NPHP4: variants seen among roughly 807,000 people sequenced by gnomAD.
NPHP4 encodes the protein nephrocystin-4.
In NPHP4, 151 loss-of-function variants were observed where a neutral mutation model predicts 155.8. The observed-to-expected ratio is 0.97, with a 90% CI of 0.85 to 1.11. NPHP4 has a LOEUF of 1.11. Among genes scored for constraint, NPHP4 ranks in the 50% least tolerant of loss-of-function variants. The pLI, the probability that NPHP4 is intolerant of heterozygous loss-of-function variation, is 0.00. For missense variants in NPHP4, 1,956 were observed against 1,925.7 expected (o/e 1.02, Z -0.29); for synonymous variants, 845 against 816.8 (o/e 1.03, Z -0.59).
chr1:5,984,288 T>C (rs934906987), intron 2 of NPHP4, among the ~76,000 whole-genome samples: 5 of 152,176 alleles, frequency 3.3e-5, no homozygotes, highest in African/African-American at 1.2e-4. Flanking sequence ...ATCCCAGCAC[T>C]TTGGGAGGTA....
Position 5,873,315 on chromosome 1 carries a change from G to A in NPHP4, c.3252C>T (p.Asn1084=), listed in dbSNP as rs778087914. Reference sequence around the variant, plus strand: ...GTGACACGGCGTCCATGCCCTTCTCGTTGCTCAACCCAGGAGAGGCCTGCA... The same window carrying A: ...GTGACACGGCGTCCATGCCCTTCTCATTGCTCAACCCAGGAGAGGCCTGCA... ...AMVQASPGLS[N]EKGMDAVSPW... Residue 1084 remains asparagine (N), a synonymous_variant, in exon 23 of 30, where the codon AAC becomes AAT. Coordinates refer to ENST00000378156, the MANE Select transcript of NPHP4 (RefSeq NM_015102.5). 5.6e-6 allele frequency: 9 copies of A among 1,613,788 alleles called. No homozygotes were observed. The highest frequency in any genetic ancestry group is 5.0e-5 in the Admixed American group (3 of 60,000).
chr1:5,935,401 T>C (rs560491582), intron 9 of NPHP4, among the ~76,000 whole-genome samples: 9 of 152,242 alleles, frequency 5.9e-5, no homozygotes, highest in African/African-American at 9.6e-5. Flanking sequence ...TGGAAGGACA[T>C]AGAATCAGAA....
chr1:5,936,287 G>A (rs1366519016), intron 9 of NPHP4, among the ~76,000 whole-genome samples: 1 of 152,194 alleles, frequency 6.6e-6, no homozygotes, highest in Non-Finnish European at 1.5e-5. Flanking sequence ...GGCCTGGTGG[G>A]AAGCCAGTCG....
intron 17 of NPHP4, among the ~76,000 whole-genome samples, chr1:5,887,983 A>G (rs1037783046): frequency 6.6e-6 from 1 of 152,228 alleles, no homozygotes; most frequent in Admixed American, 6.5e-5. Flanking sequence ...CACAGGGCAC[A>G]GGGTACAGGG....
intron 1 of NPHP4, among the ~76,000 whole-genome samples, chr1:5,991,110 C>T (rs1656200460): frequency 1.3e-5 from 2 of 151,882 alleles, no homozygotes; most frequent in African/African-American, 4.8e-5. Context: ...GCCTCCTTCC[C>T]GGAATGGAAA....
chr1:5,899,685 T>G (rs1311409354), intron 16 of NPHP4, among the ~76,000 whole-genome samples: 2 of 152,076 alleles, frequency 1.3e-5, no homozygotes, highest in African/African-American at 4.8e-5. Context: ...CAGAACAAAA[T>G]CTAGGTGACC....
At chr1:5,864,617 G>A (rs1641008949) in intron 27 of NPHP4, 100 bp from the exon 28 acceptor site, 5 of 1,178,636 alleles carry the variant, frequency 4.2e-6, no homozygotes, top group Non-Finnish European at 4.7e-6. Flanking sequence ...GGAGCCCAAG[G>A]TCATGGGTGG....
At chr1:5,873,633 G>T (rs750111580) in intron 22 of NPHP4, 4 of 502,056 alleles carry the variant, frequency 8.0e-6, no homozygotes, top group Admixed American at 3.7e-5. Flanking sequence ...TCCTGTGAGT[G>T]AGCCTCTAGG....
intron 6 of NPHP4, among the ~76,000 whole-genome samples, chr1:5,955,363 C>G (rs1170134059): frequency 6.6e-6 from 1 of 152,206 alleles, no homozygotes; most frequent in African/African-American, 2.4e-5. Flanking sequence ...CCATATAATT[C>G]AGCAATCCTA....
intron 11 of NPHP4, among the ~76,000 whole-genome samples, chr1:5,918,147 T>G (rs777053235): frequency 6.6e-6 from 1 of 152,014 alleles, no homozygotes; most frequent in Non-Finnish European, 1.5e-5. Context: ...GGATATAAAA[T>G]AAAAGGTGGT....
At chr1:5,928,776 T>C (rs1467268699) in intron 10 of NPHP4, among the ~76,000 whole-genome samples, 1 of 152,202 alleles carries the variant, frequency 6.6e-6, no homozygotes, top group African/African-American at 2.4e-5. Context: ...TAGCTTTCCA[T>C]ATAAATTTCA....
Position 5,867,761 on chromosome 1 carries a change from G to C in NPHP4, c.3451C>G (p.Pro1151Ala). ...CTGCCTGGAAATGTGTGCCAGGGCGGCAGGCGGATGGCCTTCTTCAGGAAG... is the reference window on the plus strand; with the variant it reads ...CTGCCTGGAAATGTGTGCCAGGGCGCCAGGCGGATGGCCTTCTTCAGGAAG... The part of the protein sequence containing the change: ...LSFLKKAIRL[P>A]PWHTFPGAPV... The change falls in exon 24 of 30, where the codon CCG (proline) becomes GCG (alanine). Residue 1151 changes from proline (P) to alanine (A), a missense_variant. By Grantham distance (27) the Pro-to-Ala change is conservative. Coordinates refer to ENST00000378156, the MANE Select transcript of NPHP4 (RefSeq NM_015102.5). This position sits in a 1 kb window ranked among gnomAD's most constrained non-coding sequence, Gnocchi z 4.1. 6.2e-7 allele frequency: 1 copy of C among 1,610,996 alleles called. No individual in the cohort carries two copies. The highest frequency in any genetic ancestry group is 8.5e-7 in the Non-Finnish European group (1 of 1,179,844).
At chr1:5,941,964 A>G (rs1049358752) in intron 9 of NPHP4, among the ~76,000 whole-genome samples, 2 of 152,210 alleles carry the variant, frequency 1.3e-5, no homozygotes, top group African/African-American at 4.8e-5. Flanking sequence ...CAAGGGGGAC[A>G]ATCGGATGAG....
chr1:5,923,175 G>C (rs1645832183), intron 11 of NPHP4, among the ~76,000 whole-genome samples: 3 of 152,164 alleles, frequency 2.0e-5, no homozygotes, highest in Admixed American at 1.3e-4. Context: ...TCAAACCCCG[G>C]GATGATCGGC....
At chr1:5,953,514 G>A (rs1455391117) in intron 6 of NPHP4, among the ~76,000 whole-genome samples, 1 of 152,206 alleles carries the variant, frequency 6.6e-6, no homozygotes, top group East Asian at 1.9e-4. Flanking sequence ...CCTCTCTCCA[G>A]CAGGAACACG....
intron 1 of NPHP4, among the ~76,000 whole-genome samples, chr1:5,989,923 T>C (rs1369416068): frequency 1.3e-5 from 2 of 152,202 alleles, no homozygotes; most frequent in Non-Finnish European, 2.9e-5. Context: ...AGGGCATCCA[T>C]TCCGAAAGCA....
chr1:5,878,837 T>C (rs1291770628), intron 19 of NPHP4, among the ~76,000 whole-genome samples: 2 of 152,154 alleles, frequency 1.3e-5, no homozygotes, highest in Admixed American at 1.3e-4. Context: ...TCTAAGGAGC[T>C]GGCTCTCCAC....
intron 6 of NPHP4, among the ~76,000 whole-genome samples, chr1:5,959,924 A>G (rs966370221): frequency 6.6e-6 from 1 of 152,130 alleles, no homozygotes. Flanking sequence ...TCCAAGATCA[A>G]TATCAACCAG....
chr1:5,943,940 A>G (rs1055339713), intron 9 of NPHP4, among the ~76,000 whole-genome samples: 1 of 152,098 alleles, frequency 6.6e-6, no homozygotes. Flanking sequence ...AAGAGATGAG[A>G]CATGAGCGAT....
Sources: allele counts gnomAD v4.1 joint callset (sites outside exome capture counted in the v4.1 genomes callset), GRCh38; gene constraint gnomAD v4.1.1; non-coding constraint Gnocchi (gnomAD v3.1); transcripts MANE v1.5; gene names NCBI Gene and HGNC (gene_info 2026-07-23, HGNC 2026-07-21).